The following DMD variants were observed in gnomAD, a reference collection of about 807,000 sequenced individuals.
DMD encodes the protein dystrophin, also known as mutant dystrophin.
A neutral mutation model predicts 330.1 loss-of-function variants in DMD; 63 were observed. The ratio of observed to expected loss-of-function variants is 0.19; its 90% CI spans 0.16 to 0.24. DMD has a LOEUF of 0.24. Among genes scored for constraint, DMD ranks in the 10% least tolerant of loss-of-function variants. DMD has a pLI of 1.00. For missense variants in DMD, 3,344 were observed against 2,684.1 expected, an observed-to-expected ratio of 1.25 and a Z score of -5.43; for synonymous variants, 1,223 against 959.8, an observed-to-expected ratio of 1.27 and a Z score of -5.07.
chrX:31,680,629 C>T (rs1247452235), intron 52 of DMD, among the ~76,000 whole-genome samples: 6 of 110,039 alleles, frequency 5.5e-5, no homozygotes, highest in Admixed American at 2.9e-4. Flanking sequence ...CCACCTGCCT[C>T]GGCCTCCCAA....
At chrX:32,649,981 G>A (rs1027223622) in intron 9 of DMD, among the ~76,000 whole-genome samples, 2 of 111,060 alleles carry the variant, frequency 1.8e-5, no homozygotes, top group African/African-American at 6.6e-5. Context: ...CCTGTGTTTG[G>A]GGGCCAAAGT....
chrX:31,906,247 C>T (rs1184647408), intron 47 of DMD, among the ~76,000 whole-genome samples: 2 of 111,870 alleles, frequency 1.8e-5, no homozygotes, highest in African/African-American at 6.5e-5. Context: ...TGAGGCCTCC[C>T]CAGCCATGCT....
intron 44 of DMD, among the ~76,000 whole-genome samples, chrX:32,012,928 C>G (rs1163362618): frequency 1.8e-5 from 2 of 110,396 alleles, no homozygotes; most frequent in African/African-American, 6.6e-5. Flanking sequence ...CTCTACTGCT[C>G]TTCATATATA....
chrX:31,947,516 G>A (rs1194546770), intron 45 of DMD, among the ~76,000 whole-genome samples: 2 of 112,136 alleles, frequency 1.8e-5, no homozygotes, highest in East Asian at 5.6e-4. Context: ...GACTGACTAC[G>A]ATGGTTTGAC....
At chrX:31,208,485 T>G (rs1196366815) in intron 65 of DMD, among the ~76,000 whole-genome samples, 2 of 111,948 alleles carry the variant, frequency 1.8e-5, no homozygotes, top group Non-Finnish European at 3.8e-5. Flanking sequence ...ATACAAACTC[T>G]TATCAAAACT....
chrX:31,852,486 G>A (rs2093546075), intron 48 of DMD, among the ~76,000 whole-genome samples: 1 of 111,517 alleles, frequency 9.0e-6, no homozygotes, highest in Non-Finnish European at 1.9e-5. Flanking sequence ...TGAAGAGTAT[G>A]GGCTCTTGAG....
intron 63 of DMD, among the ~76,000 whole-genome samples, chrX:31,225,305 C>T (rs1208984635): frequency 8.9e-6 from 1 of 112,294 alleles, no homozygotes; most frequent in Non-Finnish European, 1.9e-5. Context: ...ATGCCACAGG[C>T]GGCCACTGTA....
At chrX:33,169,710 T>G (rs2148695274) in intron 1 of DMD, among the ~76,000 whole-genome samples, 1 of 111,416 alleles carries the variant, frequency 9.0e-6, no homozygotes, top group African/African-American at 3.2e-5. Context: ...TTTAATAGCT[T>G]TAGGGGTGGA....
intron 67 of DMD, among the ~76,000 whole-genome samples, chrX:31,199,597 AT>A (rs770890364): frequency 8.9e-6 from 1 of 111,986 alleles, no homozygotes; most frequent in Non-Finnish European, 1.9e-5. Context: ...CCTTTAATAG[AT>A]AATCCAGAGA....
At chrX:31,861,135 A>G (rs79516277) in intron 48 of DMD, among the ~76,000 whole-genome samples, 14,976 of 111,615 alleles carry the variant, frequency 0.13, 823 homozygotes, top group Admixed American at 0.26. Flanking sequence ...ACATTGGCAA[A>G]AAACAAAAAA....
intron 11 of DMD, among the ~76,000 whole-genome samples, chrX:32,619,594 G>A (rs753790932): frequency 9.0e-6 from 1 of 111,585 alleles, no homozygotes; most frequent in African/African-American, 3.3e-5. Flanking sequence ...ATTTAAAGTA[G>A]GGTTTAAAAA....
intron 11 of DMD, among the ~76,000 whole-genome samples, chrX:32,625,854 A>G (rs1000906143): frequency 1.7e-4 from 19 of 111,827 alleles, no homozygotes; most frequent in African/African-American, 5.2e-4. Flanking sequence ...CTCAGGCCCA[A>G]TTCCCTAGAA....
intron 7 of DMD, among the ~76,000 whole-genome samples, chrX:32,775,259 C>T (rs764885559): frequency 8.9e-6 from 1 of 112,381 alleles, no homozygotes; most frequent in South Asian, 3.7e-4. Flanking sequence ...TGCAAGTTGT[C>T]AGTGGATCTA....
At chrX:31,672,008 A>ATCTT (rs1266244840) in intron 53 of DMD, among the ~76,000 whole-genome samples, 1 of 111,297 alleles carries the variant, frequency 9.0e-6, no homozygotes, top group Non-Finnish European at 1.9e-5. Context: ...CTGATTTCAG[A>ATCTT]TCTTTTTCCT....
At chrX:33,236,514 C>T (rs923923562) in intron 1 of DMD, among the ~76,000 whole-genome samples, 1 of 110,503 alleles carries the variant, frequency 9.0e-6, no homozygotes, top group Non-Finnish European at 1.9e-5. Flanking sequence ...ACCCACCCAA[C>T]TTGGCCTCCC....
intron 40 of DMD, 196 bp downstream of exon 40, chrX:32,342,938 T>C (rs1334757925): frequency 2.0e-6 from 1 of 488,603 alleles, no homozygotes; most frequent in Non-Finnish European, 3.6e-6. Context: ...TAAAACATTT[T>C]ATTCATTCAA....
chrX:31,659,653 A>G (rs899709333), intron 53 of DMD, among the ~76,000 whole-genome samples: 15 of 104,101 alleles, frequency 1.4e-4, no homozygotes, highest in Admixed American at 9.4e-4. Context: ...AAAAAAAAAA[A>G]AAAAAAAAAA....
chrX:32,084,860 G>A (rs1042173630), intron 44 of DMD, among the ~76,000 whole-genome samples: 1 of 110,858 alleles, frequency 9.0e-6, no homozygotes, highest in Non-Finnish European at 1.9e-5. Flanking sequence ...CTTTGAGTAT[G>A]GCCTCACAAG....
intron 52 of DMD, among the ~76,000 whole-genome samples, chrX:31,725,546 T>C (rs2148994506): frequency 8.9e-6 from 1 of 112,200 alleles, no homozygotes; most frequent in East Asian, 2.8e-4. Context: ...TCTACATTAA[T>C]TATTTCATCT....
Sources: gnomAD v4.1 joint callset for allele counts (sites outside exome capture counted in the v4.1 genomes callset) on GRCh38, gnomAD v4.1.1 for gene constraint, MANE v1.5 for transcripts, NCBI Gene and HGNC (gene_info 2026-07-23, HGNC 2026-07-21) for gene names.